Variants in C9orf85 observed in about 807,000 individuals in gnomAD.
The protein encoded by C9orf85 is uncharacterized protein C9orf85.
A neutral mutation model predicts 14.9 loss-of-function variants in C9orf85; 16 were observed. The observed-to-expected ratio is 1.08, with a 90% CI of 0.73 to 1.63. The LOEUF (loss-of-function observed/expected upper bound fraction) is 1.63. C9orf85 is among the 40% of genes most tolerant of loss of function. The pLI is 0.00. For synonymous variants in C9orf85, 45 were observed against 56.8 expected, an observed-to-expected ratio of 0.79 and a Z score of 0.93; for missense variants, 172 against 186.1, an observed-to-expected ratio of 0.92 and a Z score of 0.44.
At chr9:71,955,619 T>C (rs1249265612) in intron 2 of C9orf85, among the ~76,000 whole-genome samples, 1 of 152,218 alleles carries the variant, frequency 6.6e-6, no homozygotes, top group Non-Finnish European at 1.5e-5. Context: ...GTTACAATAG[T>C]AGGTTACAGT....
chr9:71,943,168 G>C (rs1821983890), intron 1 of C9orf85, among the ~76,000 whole-genome samples: 1 of 152,130 alleles, frequency 6.6e-6, no homozygotes, highest in Non-Finnish European at 1.5e-5. Flanking sequence ...GCAGGGAAAA[G>C]AACAAAGCCA....
chr9:71,938,457 CTTG>C (rs1338621989), intron 1 of C9orf85, among the ~76,000 whole-genome samples: 3 of 152,016 alleles, frequency 2.0e-5, no homozygotes, highest in South Asian at 2.1e-4. Context: ...AAATTTGAGA[CTTG>C]TTGTATACTT....
downstream of C9orf85, chr9:71,985,967 A>T (rs1823204713): frequency 6.6e-6 from 1 of 152,212 alleles, no homozygotes; most frequent in African/African-American, 2.4e-5. Context: ...TGTTAAATTT[A>T]TTCAAAGAAA....
rs187459794 is a variant in C9orf85 at position 71,979,817 on chromosome 9, A to G, written c.324-2840A>G. 1.8e-3 allele frequency among the ~76,000 whole-genome samples: 272 copies of G among 152,348 alleles called. 1 individual carries two copies. The highest frequency in any genetic ancestry group is 6.2e-3 in the African/African-American group (258 of 41,586). On this transcript the variant is annotated intron_variant, in intron 3 of 3. Transcript: ENST00000377031. ...ATCAAAAAATTGATATTTTAAAATT[A>G]CAAAATTGAACTAAAAATAGAAAGT...
At position 71,911,943 on chromosome 9, in the gene C9orf85, C is replaced by T. The variant is rs553345039; in HGVS notation, c.102+107C>T. Reference sequence around the variant, plus strand: ...CGGCTGGGGCGAGTGTGGACCGCAGCCCAGAGTTAGTCTTGGCTGCAGTGC... The same window carrying T: ...CGGCTGGGGCGAGTGTGGACCGCAGTCCAGAGTTAGTCTTGGCTGCAGTGC... On this transcript the variant is annotated intron_variant, in intron 1 of 3. Transcript: ENST00000334731. 3 of 964,236 alleles carry T rather than the reference C, an allele frequency of 3.1e-6. No homozygotes were observed. In the African/African-American group the frequency reaches 4.8e-5, roughly 15 times the overall value. The allele number at this position is 964,236 out of a possible 1,614,324, so 59.7% of individuals were successfully genotyped here. A position where few individuals can be genotyped will look rare whatever the true frequency, so the allele number is the denominator to read the frequency against.
At chr9:71,916,138 G>A (rs1047235986) in intron 1 of C9orf85, among the ~76,000 whole-genome samples, 10 of 152,252 alleles carry the variant, frequency 6.6e-5, no homozygotes, top group South Asian at 4.1e-4. Context: ...ATGAAAGAAC[G>A]GTCTAGGGAG....
At chr9:71,919,387 C>T (rs1412939737) in intron 1 of C9orf85, among the ~76,000 whole-genome samples, 1 of 152,186 alleles carries the variant, frequency 6.6e-6, no homozygotes, top group East Asian at 1.9e-4. Flanking sequence ...CTGAGCAAAG[C>T]AGTTGGCCAG....
chr9:71,917,402 T>C (rs978979878), intron 1 of C9orf85, among the ~76,000 whole-genome samples: 1 of 152,222 alleles, frequency 6.6e-6, no homozygotes, highest in East Asian at 1.9e-4. Flanking sequence ...TGAAAGTAGA[T>C]ACTAATTTAG....
rs555386953 is a variant in C9orf85 at position 71,965,668 on chromosome 9, G to A, written c.210-5837G>A. Reference sequence around the variant, plus strand: ...GGCTGTTCTCTAACTCCTGGGCTCAGGCAATTCTCCTGCCTGGGCCTCCCA... The same window carrying A: ...GGCTGTTCTCTAACTCCTGGGCTCAAGCAATTCTCCTGCCTGGGCCTCCCA... On this transcript the variant is annotated intron_variant, in intron 2 of 3. Transcript: ENST00000334731. Among the ~76,000 whole-genome samples, 334 of 152,232 alleles carry A rather than the reference G, an allele frequency of 2.2e-3. 1 individual carries two copies. Among genetic ancestry groups the A allele is most frequent in the African/African-American group, 7.5e-3 (313 of 41,534 alleles).
At chr9:71,970,509 A>G (rs1190466404) in intron 2 of C9orf85, among the ~76,000 whole-genome samples, 1 of 152,104 alleles carries the variant, frequency 6.6e-6, no homozygotes, top group East Asian at 1.9e-4. Context: ...TCCATAATAT[A>G]TTTCCACTAT....
At chr9:71,971,168 A>G (rs536049907) in intron 2 of C9orf85, among the ~76,000 whole-genome samples, 2 of 152,088 alleles carry the variant, frequency 1.3e-5, no homozygotes, top group Non-Finnish European at 2.9e-5. Flanking sequence ...CACTTCTTTT[A>G]TTGGATTTAT....
intron 2 of C9orf85, among the ~76,000 whole-genome samples, chr9:71,954,205 C>G (rs1822321450): frequency 6.9e-6 from 1 of 144,290 alleles, no homozygotes. Context: ...GCTAAGAGAG[C>G]TTTGTCAGCA....
rs1432030083 is a variant in C9orf85 at position 71,922,557 on chromosome 9, C to G, written c.102+10721C>G. 2.0e-5 allele frequency among the ~76,000 whole-genome samples: 3 copies of G among 152,204 alleles called. No homozygotes were observed. In the East Asian group the frequency reaches 5.8e-4, roughly 29 times the overall value. ...CATGTAGAACCATTTCTCCCATTTG[C>G]TGTGTTTGTTTCTCCTTACTCAAAA... is the stretch of plus-strand genomic sequence containing the variant. On this transcript the variant is annotated intron_variant, in intron 1 of 3. Transcript: ENST00000334731.
intron 1 of C9orf85, among the ~76,000 whole-genome samples, chr9:71,936,595 G>A (rs1194381418): frequency 6.6e-6 from 1 of 152,004 alleles, no homozygotes; most frequent in Non-Finnish European, 1.5e-5. Context: ...AGTTTTTCTT[G>A]AGTTATTATT....
At chr9:71,932,693 A>C (rs1296749264) in intron 1 of C9orf85, among the ~76,000 whole-genome samples, 2 of 152,190 alleles carry the variant, frequency 1.3e-5, no homozygotes, top group Non-Finnish European at 2.9e-5. Context: ...TATTTGATTC[A>C]AATGTTCGGT....
chr9:71,932,970 C>A (rs545953818), intron 1 of C9orf85, among the ~76,000 whole-genome samples: 1 of 152,166 alleles, frequency 6.6e-6, no homozygotes, highest in Admixed American at 6.5e-5. Context: ...AGTAGAGTAA[C>A]TGAAGTGAAA....
chr9:71,981,148 A>G (rs1363035118), intron 3 of C9orf85, among the ~76,000 whole-genome samples: 1 of 152,212 alleles, frequency 6.6e-6, no homozygotes, highest in East Asian at 1.9e-4. Flanking sequence ...TAAAGTTTGC[A>G]TTGTAGCTGT....
intron 2 of C9orf85, among the ~76,000 whole-genome samples, chr9:71,947,717 C>T (rs961411283): frequency 2.0e-5 from 3 of 151,798 alleles, no homozygotes. Context: ...AATTTCAGCT[C>T]ACTGCAACCT....
chr9:71,933,684 A>G (rs138292373), intron 1 of C9orf85, among the ~76,000 whole-genome samples: 213 of 152,322 alleles, frequency 1.4e-3, no homozygotes, highest in African/African-American at 4.9e-3. Context: ...AACTAAAGAT[A>G]ACATCATAAC....
Sources: gnomAD v4.1 joint callset for allele counts (sites outside exome capture counted in the v4.1 genomes callset) on GRCh38, gnomAD v4.1.1 for gene constraint, MANE v1.5 for transcripts, NCBI Gene and HGNC (gene_info 2026-07-23, HGNC 2026-07-21) for gene names.